STK3: variants seen among roughly 807,000 people sequenced by gnomAD.
The protein encoded by STK3 is serine/threonine kinase 3.
In STK3, 41 loss-of-function variants were observed where a neutral mutation model predicts 58.0. The observed-to-expected ratio is 0.71, with a 90% CI of 0.55 to 0.92. The LOEUF is 0.92. Ranked by LOEUF, STK3 falls within the 40% of genes least tolerant of loss-of-function variation. The probability of loss-of-function intolerance (pLI) is 0.00; values close to 1 mark genes in which losing one functional copy is unlikely to be tolerated. For synonymous variants in STK3, 170 were observed against 191.0 expected (o/e 0.89, Z 0.91); for missense variants, 479 against 602.7 (o/e 0.79, Z 2.15).
chr8:98,726,817 C>T (rs965564116), intron 4 of STK3, among the ~76,000 whole-genome samples: 3 of 152,168 alleles, frequency 2.0e-5, no homozygotes, highest in African/African-American at 7.2e-5. Flanking sequence ...CCTTGAGAAA[C>T]ATCAACCTTA....
At chr8:98,836,411 G>A (rs1192729894) in intron 3 of STK3, among the ~76,000 whole-genome samples, 1 of 152,178 alleles carries the variant, frequency 6.6e-6, no homozygotes, top group Admixed American at 6.5e-5. Context: ...ATTAATGAGG[G>A]TAGCCCTCAT....
intron 8 of STK3, among the ~76,000 whole-genome samples, chr8:98,554,121 C>T (rs1308261799): frequency 6.6e-6 from 1 of 152,080 alleles, no homozygotes; most frequent in African/African-American, 2.4e-5. Flanking sequence ...TAAGACCTAC[C>T]TTCTAATTAT....
At chr8:98,670,349 G>A (rs1161752469) in intron 6 of STK3, among the ~76,000 whole-genome samples, 1 of 152,038 alleles carries the variant, frequency 6.6e-6, no homozygotes, top group Non-Finnish European at 1.5e-5. Context: ...GTTACAGAGT[G>A]GGGCCTCATC....
intron 3 of STK3, among the ~76,000 whole-genome samples, chr8:98,844,246 C>T (rs796878974): frequency 2.0e-5 from 3 of 152,270 alleles, no homozygotes; most frequent in African/African-American, 7.2e-5. Context: ...TATAAAACAG[C>T]CATGGGCTTC....
At chr8:98,874,030 C>T (rs1837475254) in intron 3 of STK3, among the ~76,000 whole-genome samples, 1 of 152,178 alleles carries the variant, frequency 6.6e-6, no homozygotes, top group South Asian at 2.1e-4. Context: ...TCTTGTAAGG[C>T]AGGCCTGGTG....
chr8:98,495,849 A>T (rs144091686), intron 10 of STK3, among the ~76,000 whole-genome samples: 2 of 152,188 alleles, frequency 1.3e-5, no homozygotes, highest in Non-Finnish European at 2.9e-5. Flanking sequence ...TTCATACTAC[A>T]CAATAATTTT....
intron 10 of STK3, among the ~76,000 whole-genome samples, chr8:98,504,572 T>C (rs993943709): frequency 9.2e-5 from 14 of 152,246 alleles, no homozygotes; most frequent in Non-Finnish European, 1.3e-4. Context: ...GGAGCTCTTG[T>C]AAGGCAGGCC....
At chr8:98,404,208 T>C (rs749724294) in intron 3 of STK3, among the ~76,000 whole-genome samples, 1 of 152,226 alleles carries the variant, frequency 6.6e-6, no homozygotes, top group Non-Finnish European at 1.5e-5. Flanking sequence ...TATTCTAGCA[T>C]CTCTCTATGG....
At position 98,757,023 on chromosome 8, in the gene STK3, C is replaced by CCT. The variant is rs376081307; in HGVS notation, c.237-7635_237-7634dup. On this transcript the variant is annotated intron_variant, in intron 3 of 10. Coordinates refer to ENST00000419617, the MANE Select transcript of STK3 (RefSeq NM_006281.4). ...AAACATTCTTGTCCACTTCTTCCCC[C>CCT]CTCTTTCTCTGCCTCCTAACTGACT... 8.6e-3 allele frequency among the ~76,000 whole-genome samples: 1,300 copies of CCT among 152,010 alleles called. 10 individuals are homozygous for CCT. Among genetic ancestry groups the CCT allele is most frequent in the African/African-American group, 0.029 (1,224 of 41,500 alleles).
chr8:98,714,453 T>C (rs554211487), intron 4 of STK3, among the ~76,000 whole-genome samples: 1 of 152,190 alleles, frequency 6.6e-6, no homozygotes, highest in Non-Finnish European at 1.5e-5. Flanking sequence ...ACAAAGTCAA[T>C]GTGCAAAAAT....
At chr8:98,714,277 C>G (rs374592956) in intron 4 of STK3, among the ~76,000 whole-genome samples, 13 of 152,212 alleles carry the variant, frequency 8.5e-5, no homozygotes, top group East Asian at 3.9e-4. Context: ...AAGTTCTGGT[C>G]AGGGCAATTA....
At chr8:98,671,283 T>C (rs1196420871) in intron 6 of STK3, among the ~76,000 whole-genome samples, 1 of 152,096 alleles carries the variant, frequency 6.6e-6, no homozygotes, top group Non-Finnish European at 1.5e-5. Context: ...CATGGAGACT[T>C]ACCACCCAGA....
chr8:98,569,746 A>G (rs917556924), intron 8 of STK3, among the ~76,000 whole-genome samples: 14 of 152,046 alleles, frequency 9.2e-5, no homozygotes, highest in Admixed American at 3.9e-4. Flanking sequence ...TTGTGATTAC[A>G]TAGGAAAAAT....
At chr8:98,414,470 A>G (rs985464831) in intron 3 of STK3, among the ~76,000 whole-genome samples, 2 of 152,138 alleles carry the variant, frequency 1.3e-5, no homozygotes, top group African/African-American at 4.8e-5. Flanking sequence ...TAAGAAACAG[A>G]AGATTGTGCC....
At chr8:98,367,398 C>A (rs1403142050), downstream of STK3, among the ~76,000 whole-genome samples, 1 of 152,180 alleles carries the variant, frequency 6.6e-6, no homozygotes, top group African/African-American at 2.4e-5. Context: ...CCCTTCCACT[C>A]TTCTTCTGGT....
chr8:98,398,533 A>G (rs2131022425), downstream of STK3, among the ~76,000 whole-genome samples: 1 of 152,290 alleles, frequency 6.6e-6, no homozygotes, highest in East Asian at 1.9e-4. Flanking sequence ...CATGGAAGCC[A>G]GGAGATCCCA....
chr8:98,587,848 T>C (rs1041930389), intron 7 of STK3, among the ~76,000 whole-genome samples: 2 of 152,184 alleles, frequency 1.3e-5, no homozygotes, highest in African/African-American at 2.4e-5. Context: ...TTTACCATTA[T>C]GTAATGGCCT....
chr8:98,783,236 C>T (rs905215744), intron 1 of STK3, among the ~76,000 whole-genome samples: 1 of 152,110 alleles, frequency 6.6e-6, no homozygotes, highest in African/African-American at 2.4e-5. Flanking sequence ...TAAATGTTTA[C>T]ACTATACTGT....
At chr8:98,917,341 C>A (rs1282075588) in intron 1 of STK3, among the ~76,000 whole-genome samples, 1 of 152,152 alleles carries the variant, frequency 6.6e-6, no homozygotes, top group East Asian at 1.9e-4. Context: ...CCAGCATAGC[C>A]TTTTTAAAGA....
Sources: gnomAD v4.1 joint callset for allele counts (sites outside exome capture counted in the v4.1 genomes callset) on GRCh38, gnomAD v4.1.1 for gene constraint, MANE v1.5 for transcripts, NCBI Gene and HGNC (gene_info 2026-07-23, HGNC 2026-07-21) for gene names.